KRT72: variants seen among roughly 807,000 people sequenced by gnomAD.
KRT72 encodes the protein keratin, type II cytoskeletal 72.
A neutral mutation model predicts 44.7 loss-of-function variants in KRT72; 44 were observed. The observed-to-expected ratio is 0.98, with a 90% confidence interval of 0.77 to 1.27. The LOEUF (loss-of-function observed/expected upper bound fraction) is 1.27. Ranked by LOEUF, KRT72 falls within the 50% of genes most tolerant of loss-of-function variation. KRT72 has a pLI of 0.00. For missense variants in KRT72, 736 were observed against 667.1 expected (o/e 1.10, Z -1.14); for synonymous variants, 302 against 280.4 (o/e 1.08, Z -0.77).
At position 52,587,643 on chromosome 12, in the gene KRT72, C is replaced by T. The variant is rs1458587588; in HGVS notation, c.1298G>A (p.Ser433Asn). 6.2e-7 allele frequency: 1 copy of T among 1,614,086 alleles called. No individual in the cohort carries two copies. The highest frequency in any genetic ancestry group is 1.7e-5 in the Admixed American group (1 of 60,010). The change falls in exon 7 of 9, where the codon AGC (serine) becomes AAC (asparagine). Residue 433 changes from serine to asparagine, a missense_variant. By Grantham distance (46) the Ser-to-Asn change is conservative (BLOSUM62 1). Coordinates refer to ENST00000293745, the MANE Select transcript of KRT72 (RefSeq NM_080747.3). ...EIATYRKLLE[S>N]EECRMSGEYP... The stretch of plus-strand genomic sequence containing the variant: ...TCCGGCCCCTCACCTGCACTCCTCG[C>T]TCTCCAGCAGCTTGCGGTAGGTGGC...
chr12:52,601,737 G>A (rs1940472843), upstream of KRT72, among the ~76,000 whole-genome samples: 1 of 151,998 alleles, frequency 6.6e-6, no homozygotes, highest in Non-Finnish European at 1.5e-5. Context: ...CATTATCATG[G>A]CTTAGCGACC....
intron 2 of KRT72, among the ~76,000 whole-genome samples, chr12:52,593,859 G>C (rs1340954684): frequency 6.6e-6 from 1 of 152,162 alleles, no homozygotes; most frequent in African/African-American, 2.4e-5. Context: ...GTGGGAGCCA[G>C]GGGCTAGGAA....
At chr12:52,592,763 G>T in intron 3 of KRT72, 129 bp downstream of exon 3, 1 of 773,610 alleles carries the variant, frequency 1.3e-6, no homozygotes, top group Non-Finnish European at 2.2e-6. Context: ...GGGCTGGGAA[G>T]TTAGAGTGCC....
intron 5 of KRT72, 147 bp downstream of exon 5, chr12:52,591,317 A>C: frequency 1.2e-6 from 1 of 834,690 alleles, no homozygotes; most frequent in Non-Finnish European, 1.8e-6. Context: ...CATTTCCGCA[A>C]GGCCCAACTT....
intron 4 of KRT72, 31 bp downstream of exon 4, chr12:52,592,365 A>T (rs1940065502): frequency 6.9e-7 from 1 of 1,453,692 alleles, no homozygotes; most frequent in Non-Finnish European, 9.7e-7. Flanking sequence ...AAAGGAGCAG[A>T]TCTCACAAGA....
chr12:52,591,602 G>C lies in KRT72; in HGVS notation c.825C>G (p.Ile275Met), dbSNP rs753058952. ...EGEITQIQSH[I>M]SDTSIVLSMD... is the part of the protein sequence containing the mutation. The stretch of plus-strand genomic sequence containing the variant: ...TTGACAGGACGATGGACGTGTCGCT[G>C]ATGTGGGACTGGATCTGAGTGATCT... The change falls in exon 5 of 9, where the codon ATC becomes ATG. Residue 275 changes from isoleucine to methionine, a missense_variant. Coordinates refer to ENST00000293745, the MANE Select transcript of KRT72 (RefSeq NM_080747.3). The C allele has an allele frequency of 4.3e-6, 7 of 1,613,542 alleles. No individual in the cohort carries two copies. In the East Asian group the frequency reaches 1.3e-4, roughly 31 times the overall value.
intron 2 of KRT72, among the ~76,000 whole-genome samples, chr12:52,598,672 T>C (rs1384829804): frequency 6.6e-6 from 1 of 152,204 alleles, no homozygotes; most frequent in Non-Finnish European, 1.5e-5. Context: ...TACAACTCTC[T>C]TTCCCCCATT....
In KRT72 at chr12:52,601,332, A is replaced by G; in HGVS notation, c.121T>C (p.Ser41Pro). 2 of 1,545,810 alleles carry G rather than the reference A, an allele frequency of 1.3e-6. No homozygotes were observed. Among genetic ancestry groups the G allele is most frequent in the South Asian group, 1.2e-5 (1 of 84,116 alleles). The part of the protein sequence containing the change: ...SASFRARVKG[S>P]ASFGSKSLSC... ...AGGCTCTTGCTGCCAAAGGAGGCCG[A>G]GCCCTTGACCCGGGCCCGGAATGAG... The change falls in exon 1 of 9, where the codon TCG becomes CCG. Residue 41 changes from serine to proline, a missense_variant. By Grantham distance (74) the Ser-to-Pro change is moderately conservative. Transcript: ENST00000293745.
chr12:52,591,359 T>TACACACAC (rs71092772), intron 5 of KRT72, 105 bp downstream of exon 5: 754 of 1,126,686 alleles, frequency 6.7e-4, no homozygotes, highest in African/African-American at 5.4e-3. Context: ...TGAGCCCAAA[T>TACACACAC]ACACACACAC....
At chr12:52,602,264 T>C (rs1016810016), upstream of KRT72, among the ~76,000 whole-genome samples, 1 of 152,240 alleles carries the variant, frequency 6.6e-6, no homozygotes, top group African/African-American at 2.4e-5. Flanking sequence ...GTTTTCATTT[T>C]TGTTTTCTTT....
intron 1 of KRT72, chr12:52,599,474 C>T (rs1940338335): frequency 4.3e-6 from 2 of 464,548 alleles, no homozygotes; most frequent in South Asian, 3.1e-5. Context: ...GGAAAGCACA[C>T]TGGCATTTAG....
At chr12:52,600,918 C>A in intron 1 of KRT72, 109 bp downstream of exon 1, 1 of 1,174,626 alleles carries the variant, frequency 8.5e-7, no homozygotes, top group South Asian at 1.5e-5. Context: ...AAGGGAGGCT[C>A]GGAGAGGTTA....
At position 52,585,713 on chromosome 12, in the gene KRT72, C is replaced by T. The variant is rs1939708837; in HGVS notation, c.*269G>A. 1 of 404,684 alleles carries T rather than the reference C, an allele frequency of 2.5e-6. No individual in the cohort carries two copies. Among genetic ancestry groups the T allele is most frequent in the Admixed American group, 4.1e-5 (1 of 24,270 alleles). The allele number at this position is 404,684 out of a possible 1,614,324, so 25.1% of individuals were successfully genotyped here. On this transcript the variant is annotated 3_prime_UTR_variant, in exon 9 of 9. Transcript: ENST00000293745. ...GGGGGCAGAGGGGCTTGTAGCTGGCCTTGGGGAAACATCCTGGGTAAGTGT... is the reference window on the plus strand; with the variant it reads ...GGGGGCAGAGGGGCTTGTAGCTGGCTTTGGGGAAACATCCTGGGTAAGTGT...
chr12:52,591,404 A>C, intron 5 of KRT72, 60 bp downstream of exon 5: 1 of 1,539,690 alleles, frequency 6.5e-7, no homozygotes, highest in Non-Finnish European at 8.9e-7. Flanking sequence ...ACACATGCAC[A>C]CATACTGAGA....
In KRT72 at chr12:52,601,120, G is replaced by A. The variant is rs1045648129; in HGVS notation, c.333C>T (p.Asn111=). 8.6e-5 allele frequency: 138 copies of A among 1,613,106 alleles called. No individual in the cohort carries two copies. Among genetic ancestry groups the A allele is most frequent in the Non-Finnish European group, 1.1e-4 (135 of 1,179,694 alleles). The part of the protein sequence containing the change: ...TVNKSLLAPL[N]VEMDPEIQRV... ...TCTGGATCTCGGGGTCCATCTCCAC[G>A]TTGAGCGGGGCCAGGAGGCTCTTGT... The change falls in exon 1 of 9, where the codon AAC becomes AAT. Residue 111 remains asparagine, a synonymous_variant. Coordinates refer to ENST00000293745, the MANE Select transcript of KRT72 (RefSeq NM_080747.3).
rs117967907 is a variant in KRT72, at chr12:52,601,458, G to C, written c.-6C>G. The C allele has an allele frequency of 5.6e-5, 86 of 1,534,232 alleles. No individual in the cohort carries two copies. The highest frequency in any genetic ancestry group is 6.7e-5 in the Non-Finnish European group (77 of 1,146,116). On this transcript the variant is annotated 5_prime_UTR_variant, in exon 1 of 9. Transcript: ENST00000293745. ...TGGGTCAGTTGGCGGCTCATGGCTC[G>C]CAAGTACCGGTGCTGGCCGCGCGGG...
intron 2 of KRT72, among the ~76,000 whole-genome samples, chr12:52,598,188 A>T (rs867413848): frequency 2.0e-5 from 3 of 152,232 alleles, no homozygotes; most frequent in Non-Finnish European, 2.9e-5. Context: ...TAGGTTCTCC[A>T]TGCAGGGCTT....
upstream of KRT72, among the ~76,000 whole-genome samples, chr12:52,602,279 A>G (rs553683482): frequency 1.4e-4 from 22 of 152,296 alleles, no homozygotes; most frequent in Admixed American, 1.4e-3. Context: ...TTCTTTTAAT[A>G]GCAGAAGAGG....
At position 52,590,826 on chromosome 12, in the gene KRT72, T is replaced by G; in HGVS notation, c.1089+10A>C. ...AAATACTGTTAGTGGATTAATTTCA[T>G]AGAACCCACCTGCTTCTTCACATTC... On this transcript the variant is annotated intron_variant, in intron 6 of 8. Transcript: ENST00000293745. 5 of 1,565,346 alleles carry G rather than the reference T, an allele frequency of 3.2e-6. No individual in the cohort carries two copies. Among genetic ancestry groups the G allele is most frequent in the Middle Eastern group, 1.7e-4 (1 of 5,854 alleles).
Sources: gnomAD v4.1 joint callset for allele counts (sites outside exome capture counted in the v4.1 genomes callset) on GRCh38, gnomAD v4.1.1 for gene constraint, MANE v1.5 for transcripts, NCBI Gene and HGNC (gene_info 2026-07-23, HGNC 2026-07-21) for gene names.